The following TRHDE variants were observed in gnomAD, a reference collection of about 807,000 sequenced individuals.
TRHDE encodes thyrotropin releasing hormone degrading enzyme.
TRHDE carries 72 observed loss-of-function variants against 125.7 expected under a neutral mutation model. The observed-to-expected ratio is 0.57, with a 90% confidence interval of 0.47 to 0.70. The LOEUF (loss-of-function observed/expected upper bound fraction) is 0.70, where lower values mean the gene tolerates loss of function less well. TRHDE is among the 30% of genes least tolerant of loss of function. The probability of loss-of-function intolerance (pLI) is 0.00; values close to 1 mark genes in which losing one functional copy is unlikely to be tolerated. For missense variants in TRHDE, 1,110 were observed against 1,327.1 expected, an observed-to-expected ratio of 0.84 and a Z score of 2.54; for synonymous variants, 509 against 509.1, an observed-to-expected ratio of 1.00 and a Z score of 0.00.
At chr12:72,110,064 C>T (rs1428279140) in intron 2 of TRHDE, among the ~76,000 whole-genome samples, 1 of 152,058 alleles carries the variant, frequency 6.6e-6, no homozygotes, top group Non-Finnish European at 1.5e-5. Context: ...TTCCTAATGC[C>T]TCAGTCTGTT....
At chr12:72,095,855 T>C (rs1389965473) in intron 1 of TRHDE, among the ~76,000 whole-genome samples, 1 of 152,182 alleles carries the variant, frequency 6.6e-6, no homozygotes, top group Non-Finnish European at 1.5e-5. Flanking sequence ...GGTGTTTTTG[T>C]ATGAGATTAA....
At chr12:72,593,886 GT>G in intron 12 of TRHDE, among the ~76,000 whole-genome samples, 1 of 152,274 alleles carries the variant, frequency 6.6e-6, no homozygotes, top group South Asian at 2.1e-4. Context: ...TGGTGTATAT[GT>G]GCCTCATTTT....
chr12:72,249,306 A>T (rs958590410), intron 2 of TRHDE, among the ~76,000 whole-genome samples: 3 of 152,230 alleles, frequency 2.0e-5, no homozygotes, highest in Non-Finnish European at 4.4e-5. Context: ...CTGACAAAGA[A>T]TTTTATCCAT....
At chr12:72,512,414 CTA>C (rs965271096) in intron 6 of TRHDE, among the ~76,000 whole-genome samples, 7 of 114,024 alleles carry the variant, frequency 6.1e-5, no homozygotes, top group East Asian at 2.6e-4. Context: ...ATAATTATAA[CTA>C]TATAATATAT....
At chr12:72,382,829 C>CT (rs2135782136) in intron 3 of TRHDE, among the ~76,000 whole-genome samples, 1 of 152,258 alleles carries the variant, frequency 6.6e-6, no homozygotes, top group African/African-American at 2.4e-5. Context: ...TCCCTGAATT[C>CT]TTTTTTATTT....
intron 2 of TRHDE, among the ~76,000 whole-genome samples, chr12:72,295,846 A>G (rs967583429): frequency 1.3e-5 from 2 of 152,124 alleles, no homozygotes; most frequent in Non-Finnish European, 2.9e-5. Context: ...AGACATTCCA[A>G]TAAGATTGCG....
chr12:72,290,432 T>A (rs1209392641), intron 2 of TRHDE, among the ~76,000 whole-genome samples: 1 of 152,242 alleles, frequency 6.6e-6, no homozygotes, highest in Non-Finnish European at 1.5e-5. Flanking sequence ...AATTTTTCCT[T>A]TACAATATTG....
At chr12:72,506,886 TA>T (rs1302875823) in intron 6 of TRHDE, among the ~76,000 whole-genome samples, 1 of 152,118 alleles carries the variant, frequency 6.6e-6, no homozygotes, top group Non-Finnish European at 1.5e-5. Context: ...CATGTCAAAT[TA>T]TAATGCCCAT....
chr12:72,098,415 C>G (rs923062), intron 1 of TRHDE, among the ~76,000 whole-genome samples: 108,591 of 151,690 alleles, frequency 0.72, 40,077 homozygotes, highest in Non-Finnish European at 0.81. Flanking sequence ...ACTTTTTAAA[C>G]ATTTTTTTTT....
At chr12:72,479,790 C>T (rs944157970) in intron 5 of TRHDE, among the ~76,000 whole-genome samples, 36 of 150,202 alleles carry the variant, frequency 2.4e-4, no homozygotes, top group Middle Eastern at 3.4e-3. Flanking sequence ...TTAGGTATAT[C>T]TCCTAATGCT....
At chr12:72,519,747 G>T (rs1377418398) in intron 6 of TRHDE, among the ~76,000 whole-genome samples, 1 of 152,148 alleles carries the variant, frequency 6.6e-6, no homozygotes. Context: ...CAGTTTTTCT[G>T]TTCTGTTTTT....
At chr12:72,114,061 C>A (rs1184951900) in intron 2 of TRHDE, among the ~76,000 whole-genome samples, 2 of 151,898 alleles carry the variant, frequency 1.3e-5, no homozygotes, top group African/African-American at 4.8e-5. Context: ...GACAGGCCTA[C>A]CTGCAGGTCT....
At chr12:72,264,182 T>C (rs985751246) in intron 2 of TRHDE, 2 of 152,068 alleles carry the variant, frequency 1.3e-5, no homozygotes, top group Non-Finnish European at 2.9e-5. Context: ...AACACATTTC[T>C]TGTGTGTCTC....
intron 2 of TRHDE, among the ~76,000 whole-genome samples, chr12:72,358,499 A>G (rs1428746875): frequency 6.6e-6 from 1 of 151,632 alleles, no homozygotes; most frequent in Non-Finnish European, 1.5e-5. Flanking sequence ...CAACTGTGTT[A>G]TCAGTGAGGT....
At chr12:72,101,067 A>G (rs1299414958) in intron 1 of TRHDE, among the ~76,000 whole-genome samples, 1 of 152,202 alleles carries the variant, frequency 6.6e-6, no homozygotes, top group African/African-American at 2.4e-5. Context: ...TTTGCCCTCC[A>G]TCATTTCTGT....
At chr12:72,339,461 C>T (rs143047642) in intron 2 of TRHDE, among the ~76,000 whole-genome samples, 68 of 152,164 alleles carry the variant, frequency 4.5e-4, no homozygotes, top group African/African-American at 1.6e-3. Context: ...TTAATAAGAC[C>T]GTTTACGTTT....
intron 2 of TRHDE, among the ~76,000 whole-genome samples, chr12:72,258,395 T>C (rs4262761): frequency 0.45 from 68,294 of 151,934 alleles, 18,974 homozygotes; most frequent in African/African-American, 0.8. Flanking sequence ...GATTGGTTGA[T>C]GTTATGTAAT....
chr12:72,582,292 C>T, intron 12 of TRHDE: 2 of 983,840 alleles, frequency 2.0e-6, no homozygotes, highest in South Asian at 9.4e-5. Context: ...AATATAATGG[C>T]TAAAGAAGAA....
Position 72,327,822 on chromosome 12 carries a change from T to TA in TRHDE, c.1188+40877dup, listed in dbSNP as rs5799074. ...TGATTACATATCAGACTGTAAATGT[T>TA]AAAAAAAAATCCCAGCTTTGACTTT... On this transcript the variant is annotated intron_variant, in intron 2 of 18. Coordinates refer to ENST00000261180, the MANE Select transcript of TRHDE (RefSeq NM_013381.3). 6.6e-3 allele frequency among the ~76,000 whole-genome samples: 1,009 copies of TA among 151,772 alleles called. 2 individuals are homozygous for TA. Among genetic ancestry groups the TA allele is most frequent in the Admixed American group, 0.012 (187 of 15,228 alleles).
Sources: gnomAD v4.1 joint callset for allele counts (sites outside exome capture counted in the v4.1 genomes callset) on GRCh38, gnomAD v4.1.1 for gene constraint, MANE v1.5 for transcripts, NCBI Gene and HGNC (gene_info 2026-07-23, HGNC 2026-07-21) for gene names.